TDRD3: variants seen among roughly 807,000 people sequenced by gnomAD.
The protein encoded by TDRD3 is tudor domain containing 3.
TDRD3 carries 45 observed loss-of-function variants against 86.7 expected under a neutral mutation model. The observed-to-expected ratio is 0.52, with a 90% confidence interval of 0.41 to 0.67. The LOEUF (loss-of-function observed/expected upper bound fraction) is 0.67. Ranked by LOEUF, TDRD3 falls within the 30% of genes least tolerant of loss-of-function variation. TDRD3 has a pLI of 0.00. For synonymous variants in TDRD3, 298 were observed against 301.7 expected (o/e 0.99, Z 0.13); for missense variants, 814 against 889.0 (o/e 0.92, Z 1.07).
intron 3 of TDRD3, among the ~76,000 whole-genome samples, chr13:60,446,025 A>C (rs913298152): frequency 2.0e-5 from 3 of 152,152 alleles, no homozygotes; most frequent in Non-Finnish European, 2.9e-5. Context: ...GAAGAAAAAT[A>C]ACTTTAAAAC....
In TDRD3 at chr13:60,529,085, C is replaced by T. The variant is rs775788545; in HGVS notation, c.1860C>T (p.Tyr620=). 1 of 1,613,890 alleles carries T rather than the reference C, an allele frequency of 6.2e-7. No homozygotes were observed. Among genetic ancestry groups the T allele is most frequent in the South Asian group, 1.1e-5 (1 of 91,076 alleles). ...TACCCTGTGATGATAAAATATTTTACAATAGTGGGCCCAAACGAAGATCTG... is the reference window on the plus strand; with the variant it reads ...TACCCTGTGATGATAAAATATTTTATAATAGTGGGCCCAAACGAAGATCTG... ...TAVPCDDKIF[Y]NSGPKRRSGP... Residue 620 remains tyrosine, a synonymous_variant, in exon 11 of 14, where the codon TAC becomes TAT. Coordinates refer to ENST00000377881, the MANE Select transcript of TDRD3 (RefSeq NM_001146070.2).
chr13:60,461,810 G>A (rs1955809638), intron 4 of TDRD3, among the ~76,000 whole-genome samples: 1 of 152,158 alleles, frequency 6.6e-6, no homozygotes, highest in Admixed American at 6.5e-5. Context: ...GGGTAACCAG[G>A]AGTGGGGTTA....
intron 8 of TDRD3, among the ~76,000 whole-genome samples, chr13:60,499,432 G>A (rs573182535): frequency 1.3e-5 from 2 of 152,346 alleles, no homozygotes; most frequent in African/African-American, 2.4e-5. Context: ...GAAGCAATTT[G>A]CCTTCAGCTG....
chr13:60,562,814 AT>A lies in TDRD3; in HGVS notation c.2119-4701del, dbSNP rs937064517. Among the ~76,000 whole-genome samples, 103 of 150,106 alleles carry A rather than the reference AT, an allele frequency of 6.9e-4. 2 individuals carry two copies. Among genetic ancestry groups the A allele is most frequent in the Non-Finnish European group, 8.9e-4 (60 of 67,334 alleles). Reference sequence around the variant, plus strand: ...CAGTATTAAGTTTTTCTAAGTTTTTATTTTTTTTTTCATTGAAGAGAATAAT... The same window carrying A: ...CAGTATTAAGTTTTTCTAAGTTTTTATTTTTTTTTCATTGAAGAGAATAAT... On this transcript the variant is annotated intron_variant, in intron 12 of 13. Transcript: ENST00000377881.
At chr13:60,522,388 T>G (rs1957307601) in intron 10 of TDRD3, among the ~76,000 whole-genome samples, 1 of 152,158 alleles carries the variant, frequency 6.6e-6, no homozygotes, top group Non-Finnish European at 1.5e-5. Flanking sequence ...ATTTTCTGAT[T>G]TTTTGTCTTT....
At chr13:60,535,017 T>C (rs1162045295) in intron 11 of TDRD3, 91 bp from the exon 12 acceptor site, 12 of 1,488,232 alleles carry the variant, frequency 8.1e-6, no homozygotes, top group Non-Finnish European at 1.1e-5. Context: ...TATTACACAT[T>C]GGAACACTTT....
chr13:60,472,600 A>T (rs1956096215), intron 5 of TDRD3, among the ~76,000 whole-genome samples: 1 of 152,354 alleles, frequency 6.6e-6, no homozygotes, highest in Admixed American at 6.5e-5. Flanking sequence ...TACAGAAAAC[A>T]GTATGGCAGT....
intron 1 of TDRD3, among the ~76,000 whole-genome samples, chr13:60,410,771 T>C (rs1288081326): frequency 6.6e-6 from 1 of 152,212 alleles, no homozygotes; most frequent in African/African-American, 2.4e-5. Flanking sequence ...CATTTTGAAG[T>C]TGTGCAAGAG....
chr13:60,430,376 A>G (rs1954923536), intron 1 of TDRD3, among the ~76,000 whole-genome samples: 1 of 152,170 alleles, frequency 6.6e-6, no homozygotes, highest in Non-Finnish European at 1.5e-5. Flanking sequence ...ATTAGGCTTC[A>G]TGTAAGCCTT....
intron 11 of TDRD3, 54 bp from the exon 12 acceptor site, chr13:60,535,054 G>GC: frequency 6.3e-7 from 1 of 1,578,176 alleles, no homozygotes; most frequent in Non-Finnish European, 8.6e-7. Context: ...CTCAAATATT[G>GC]CCCTTTATAG....
chr13:60,468,367 CT>C (rs1369513360), intron 5 of TDRD3, among the ~76,000 whole-genome samples: 1 of 152,118 alleles, frequency 6.6e-6, no homozygotes, highest in Admixed American at 6.6e-5. Context: ...CATCCCTGTG[CT>C]TTTAGACCCA....
intron 3 of TDRD3, among the ~76,000 whole-genome samples, chr13:60,449,204 T>C (rs1288600640): frequency 6.6e-6 from 1 of 152,154 alleles, no homozygotes; most frequent in Admixed American, 6.6e-5. Context: ...GTTTTAACTT[T>C]TGATTTAATA....
intron 12 of TDRD3, among the ~76,000 whole-genome samples, chr13:60,551,616 C>T (rs1958054678): frequency 6.6e-6 from 1 of 152,094 alleles, no homozygotes; most frequent in South Asian, 2.1e-4. Context: ...ATTCCTTTTC[C>T]TTTTATTTTT....
At chr13:60,447,252 G>T (rs1237125586) in intron 3 of TDRD3, among the ~76,000 whole-genome samples, 5 of 152,152 alleles carry the variant, frequency 3.3e-5, no homozygotes, top group Non-Finnish European at 7.4e-5. Context: ...CTGATTGAGG[G>T]TGGAGAGGCA....
chr13:60,467,304 G>A lies in TDRD3; in HGVS notation c.420G>A (p.Leu140=). The change falls in exon 5 of 14, where the codon CTG becomes CTA. Residue 140 remains leucine, a synonymous_variant. Transcript: ENST00000377881. Reference sequence around the variant, plus strand: ...TTGTTGACATAAAAAATGGATTCCTGCTCTTGAATGACTCTAACACCACAG... The same window carrying A: ...TTGTTGACATAAAAAATGGATTCCTACTCTTGAATGACTCTAACACCACAG... ...SGIVDIKNGF[L]LLNDSNTTVL... The A allele has an allele frequency of 1.2e-6, 2 of 1,613,866 alleles. No homozygotes were observed. Among genetic ancestry groups the A allele is most frequent in the South Asian group, 2.2e-5 (2 of 91,066 alleles).
intron 9 of TDRD3, among the ~76,000 whole-genome samples, 153 bp from the exon 10 acceptor site, chr13:60,510,477 A>G (rs999933217): frequency 1.3e-5 from 2 of 152,110 alleles, no homozygotes; most frequent in Non-Finnish European, 2.9e-5. Flanking sequence ...TTACTTAAAA[A>G]CCTAAAAAAA....
intron 10 of TDRD3, among the ~76,000 whole-genome samples, chr13:60,512,873 G>T (rs956320996): frequency 1.3e-5 from 2 of 152,078 alleles, no homozygotes; most frequent in Non-Finnish European, 2.9e-5. Context: ...GCAAGCTGTT[G>T]GTGGATCTAC....
chr13:60,522,009 A>T (rs1425876298), intron 10 of TDRD3, among the ~76,000 whole-genome samples: 1 of 152,192 alleles, frequency 6.6e-6, no homozygotes, highest in Non-Finnish European at 1.5e-5. Flanking sequence ...TTTCTTCTAT[A>T]CATTTTTCTA....
intron 1 of TDRD3, among the ~76,000 whole-genome samples, chr13:60,428,219 C>G (rs1954859009): frequency 2.7e-5 from 4 of 150,086 alleles, no homozygotes; most frequent in Admixed American, 1.3e-4. Flanking sequence ...GATTTAGGAC[C>G]TGCCTGGATT....
Sources: allele counts gnomAD v4.1 joint callset (sites outside exome capture counted in the v4.1 genomes callset), GRCh38; gene constraint gnomAD v4.1.1; transcripts MANE v1.5; gene names NCBI Gene and HGNC (gene_info 2026-07-23, HGNC 2026-07-21).